The following LZIC variants were observed in gnomAD, a reference collection of about 807,000 sequenced individuals.
LZIC encodes the protein leucine zipper and CTNNBIP1 domain containing.
In LZIC, 28 loss-of-function variants were observed where a neutral mutation model predicts 25.4. The ratio of observed to expected loss-of-function variants is 1.10; its 90% CI spans 0.82 to 1.51. The LOEUF is 1.51. LZIC is among the 40% of genes most tolerant of loss of function. The probability of loss-of-function intolerance (pLI) is 0.00; values close to 1 mark genes in which losing one functional copy is unlikely to be tolerated. For missense variants in LZIC, 170 were observed against 211.1 expected, an observed-to-expected ratio of 0.81 and a Z score of 1.21; for synonymous variants, 65 against 70.7, an observed-to-expected ratio of 0.92 and a Z score of 0.40.
At chr1:9,942,022 T>G (rs1640771583) in intron 2 of LZIC, among the ~76,000 whole-genome samples, 1 of 152,118 alleles carries the variant, frequency 6.6e-6, no homozygotes, top group South Asian at 2.1e-4. Context: ...GTTCAAGCAA[T>G]TCTCCTGCCT....
At chr1:9,923,518 C>CTTTTTTTTTTTTTT (rs60858066), downstream of LZIC, among the ~76,000 whole-genome samples, 17 of 74,164 alleles carry the variant, frequency 2.3e-4, no homozygotes, top group Non-Finnish European at 4.1e-4. Flanking sequence ...CCCAATGCTT[C>CTTTTTTTTTTTTTT]TTTTTTTTTT....
At chr1:9,934,181 T>C (rs1463255560) in intron 5 of LZIC, among the ~76,000 whole-genome samples, 2 of 151,350 alleles carry the variant, frequency 1.3e-5, no homozygotes, top group South Asian at 2.1e-4. Context: ...TGAACCGAGA[T>C]TGCGCCACTG....
chr1:9,933,463 A>G (rs1051483607), intron 5 of LZIC, among the ~76,000 whole-genome samples: 3 of 151,910 alleles, frequency 2.0e-5, no homozygotes, highest in African/African-American at 7.3e-5. Context: ...CACCAGAAAC[A>G]CTAATAGCAT....
intron 5 of LZIC, among the ~76,000 whole-genome samples, chr1:9,933,301 TAC>T (rs1553121874): frequency 7.7e-6 from 1 of 129,428 alleles, no homozygotes; most frequent in Non-Finnish European, 1.6e-5. Context: ...TATATATATA[TAC>T]ACATACATAT....
At chr1:9,935,731 ATGC>A (rs1443816862) in intron 3 of LZIC, 104 bp from the exon 4 acceptor site, 1 of 1,058,144 alleles carries the variant, frequency 9.5e-7, no homozygotes, top group East Asian at 2.5e-5. Context: ...AAATATCAAA[ATGC>A]TGATGGTGAA....
In LZIC at chr1:9,928,513, C is replaced by T. The variant is rs193028138; in HGVS notation, c.*1886G>A. ...GGATAAACAAAATATGATATCCATA[C>T]AATGGAATATTATTTAGCCATAAAA... On this transcript the variant is annotated 3_prime_UTR_variant, in exon 8 of 8. Transcript: ENST00000377223. 2.6e-5 allele frequency among the ~76,000 whole-genome samples: 4 copies of T among 152,228 alleles called. No homozygotes were observed. Among genetic ancestry groups the T allele is most frequent in the Admixed American group, 6.6e-5 (1 of 15,258 alleles).
In LZIC at chr1:9,935,526, A is replaced by T; in HGVS notation, c.203T>A (p.Met68Lys). Reference sequence around the variant, plus strand: ...TCCACTTAGTTCATCTACCAAAGTCATATTTCCAGACATAATTTTCTTTAG... The same window carrying T: ...TCCACTTAGTTCATCTACCAAAGTCTTATTTCCAGACATAATTTTCTTTAG... ...DSLKKIMSGN[M>K]TLVDELSGMQ... is the part of the protein sequence containing the mutation. The change falls in exon 4 of 8, where the codon ATG (methionine) becomes AAG (lysine). Residue 68 changes from methionine to lysine, a missense_variant. Coordinates refer to ENST00000377223, the MANE Select transcript of LZIC (RefSeq NM_032368.5). 1 of 1,611,556 alleles carries T rather than the reference A, an allele frequency of 6.2e-7. No individual in the cohort carries two copies. Among genetic ancestry groups the T allele is most frequent in the South Asian group, 1.1e-5 (1 of 90,224 alleles).
rs915628494 is a variant in LZIC at position 9,928,107 on chromosome 1, G to C, written c.*2292C>G. ...AGGCGGGTGGATCACCTAAGGTCAG[G>C]AGTTCGAGACCAGCCTGACCAACAT... On this transcript the variant is annotated 3_prime_UTR_variant, in exon 8 of 8. Transcript: ENST00000377223. Among the ~76,000 whole-genome samples the C allele has an allele frequency of 1.3e-5, 2 of 152,056 alleles. No individual in the cohort carries two copies. Among genetic ancestry groups the C allele is most frequent in the African/African-American group, 2.4e-5 (1 of 41,416 alleles).
rs188528422 is a variant in LZIC, at chr1:9,928,495, C to T, written c.*1904G>A. 4.9e-4 allele frequency among the ~76,000 whole-genome samples: 74 copies of T among 152,164 alleles called. No homozygotes were observed. Among genetic ancestry groups the T allele is most frequent in the African/African-American group, 1.7e-3 (72 of 41,518 alleles). ...AAATCATCAACAGATACCGGATAAA[C>T]AAAATATGATATCCATACAATGGAA... On this transcript the variant is annotated 3_prime_UTR_variant, in exon 8 of 8. Coordinates refer to ENST00000377223, the MANE Select transcript of LZIC (RefSeq NM_032368.5).
chr1:9,938,783 C>T (rs1311238037), intron 2 of LZIC, among the ~76,000 whole-genome samples: 1 of 152,148 alleles, frequency 6.6e-6, no homozygotes, highest in African/African-American at 2.4e-5. Context: ...CGTTTTGTGA[C>T]CCATGAAGGC....
rs970733567 is a variant in LZIC at position 9,927,359 on chromosome 1, T to C, written c.*3040A>G. 1.3e-4 allele frequency among the ~76,000 whole-genome samples: 20 copies of C among 152,290 alleles called. No individual in the cohort carries two copies. Among genetic ancestry groups the C allele is most frequent in the Admixed American group, 3.9e-4 (6 of 15,282 alleles). The stretch of plus-strand genomic sequence containing the variant: ...GGTCTCACTTTGTCAGCCAGTACAG[T>C]GGCGTGATCTCAGTTCACTGCAACC... On this transcript the variant is annotated 3_prime_UTR_variant, in exon 8 of 8. Coordinates refer to ENST00000377223, the MANE Select transcript of LZIC (RefSeq NM_032368.5).
downstream of LZIC, among the ~76,000 whole-genome samples, chr1:9,924,597 G>A (rs1639935549): frequency 6.6e-6 from 1 of 151,864 alleles, no homozygotes; most frequent in Non-Finnish European, 1.5e-5. Flanking sequence ...CTTGTGATCC[G>A]CCCACCTCCA....
intron 7 of LZIC, among the ~76,000 whole-genome samples, chr1:9,931,569 C>A (rs113469570): frequency 0.012 from 1,859 of 152,212 alleles, 10 homozygotes; most frequent in Middle Eastern, 0.027. Context: ...GCCTTGGCCT[C>A]CCGCTTTTTA....
At chr1:9,936,962 T>G (rs1185791784) in intron 2 of LZIC, among the ~76,000 whole-genome samples, 1 of 151,578 alleles carries the variant, frequency 6.6e-6, no homozygotes, top group Non-Finnish European at 1.5e-5. Context: ...AAACCCCATC[T>G]CTACTAAAAA....
intron 3 of LZIC, 144 bp downstream of exon 3, chr1:9,936,375 A>G (rs947197563): frequency 6.9e-6 from 4 of 576,374 alleles, no homozygotes; most frequent in Admixed American, 3.3e-5. Flanking sequence ...AAAGCCTGCA[A>G]TAAGTTTACT....
chr1:9,940,340 CT>C (rs1274936762), intron 2 of LZIC, among the ~76,000 whole-genome samples: 1 of 151,944 alleles, frequency 6.6e-6, no homozygotes, highest in Admixed American at 6.6e-5. Context: ...CCACGCCCAG[CT>C]TATTTTTTTT....
At chr1:9,936,088 C>T (rs886072194) in intron 3 of LZIC, among the ~76,000 whole-genome samples, 2 of 150,624 alleles carry the variant, frequency 1.3e-5, no homozygotes, top group African/African-American at 2.5e-5. Context: ...GAGATCTCGC[C>T]ACTGCACTCC....
intron 4 of LZIC, 85 bp downstream of exon 4, chr1:9,935,407 G>T: frequency 7.1e-7 from 1 of 1,407,784 alleles, no homozygotes. Context: ...CAGCCTGGGC[G>T]ACAGAGTAAG....
intron 7 of LZIC, among the ~76,000 whole-genome samples, chr1:9,931,341 C>T (rs1001466335): frequency 3.3e-5 from 5 of 152,142 alleles, no homozygotes; most frequent in Admixed American, 6.5e-5. Flanking sequence ...CGGCTCACTG[C>T]AAGCTCCGCC....
Sources: gnomAD v4.1 joint callset for allele counts (sites outside exome capture counted in the v4.1 genomes callset) on GRCh38, gnomAD v4.1.1 for gene constraint, MANE v1.5 for transcripts, NCBI Gene and HGNC (gene_info 2026-07-23, HGNC 2026-07-21) for gene names.